SBF2: variants seen among roughly 807,000 people sequenced by gnomAD.
SBF2 encodes myotubularin-related protein 13.
In SBF2, 112 loss-of-function variants were observed where a neutral mutation model predicts 225.2. The observed-to-expected ratio is 0.50, with a 90% CI of 0.43 to 0.58. The LOEUF is 0.58. Among genes scored for constraint, SBF2 ranks in the 20% least tolerant of loss-of-function variants. SBF2 has a pLI of 0.00. For missense variants in SBF2, 1,996 were observed against 2,206.2 expected, an observed-to-expected ratio of 0.90 and a Z score of 1.91; for synonymous variants, 763 against 773.3, an observed-to-expected ratio of 0.99 and a Z score of 0.22.
chr11:10,228,133 G>C (rs1378049424), intron 1 of SBF2, among the ~76,000 whole-genome samples: 1 of 151,912 alleles, frequency 6.6e-6, no homozygotes, highest in African/African-American at 2.4e-5. Context: ...GTCTGTTATT[G>C]GTGTATAAGA....
intron 2 of SBF2, among the ~76,000 whole-genome samples, chr11:10,148,227 G>A (rs989687262): frequency 2.0e-5 from 3 of 152,076 alleles, no homozygotes; most frequent in African/African-American, 4.8e-5. Context: ...CAGGAGTATC[G>A]CAGTAGAGAG....
At chr11:10,209,574 A>ATTC (rs1301698341) in intron 1 of SBF2, among the ~76,000 whole-genome samples, 1 of 152,108 alleles carries the variant, frequency 6.6e-6, no homozygotes, top group Non-Finnish European at 1.5e-5. Flanking sequence ...TGTAACAGAT[A>ATTC]GAGTATTTCT....
chr11:10,036,760 A>G (rs1339106767), intron 3 of SBF2, among the ~76,000 whole-genome samples: 1 of 152,202 alleles, frequency 6.6e-6, no homozygotes, highest in Non-Finnish European at 1.5e-5. Context: ...AAGAAATAAC[A>G]TATTAGTTAA....
At position 10,021,280 on chromosome 11, in the gene SBF2, C is replaced by T. The variant is rs140631813; in HGVS notation, c.619+7172G>A. Among the ~76,000 whole-genome samples, 753 of 152,234 alleles carry T rather than the reference C, an allele frequency of 4.9e-3. 5 individuals carry two copies. The highest frequency in any genetic ancestry group is 6.2e-3 in the Non-Finnish European group (421 of 67,998). On this transcript the variant is annotated intron_variant, in intron 6 of 39. Coordinates refer to ENST00000256190, the MANE Select transcript of SBF2 (RefSeq NM_030962.4). The stretch of plus-strand genomic sequence containing the variant: ...CAAGATTATTTGGGGCAGGGAGGGA[C>T]ACCCAAGTTTAAACGGGTATGGATT...
chr11:10,258,278 A>C (rs1961077295), intron 1 of SBF2, among the ~76,000 whole-genome samples: 1 of 151,846 alleles, frequency 6.6e-6, no homozygotes, highest in African/African-American at 2.4e-5. Flanking sequence ...CTAATTTTTT[A>C]TTTTTATTTT....
intron 2 of SBF2, among the ~76,000 whole-genome samples, chr11:10,071,238 C>T (rs1427450335): frequency 2.0e-5 from 3 of 148,226 alleles, no homozygotes; most frequent in South Asian, 2.2e-4. Context: ...TGTCTTGTGC[C>T]GGTTTTCTCT....
intron 21 of SBF2, among the ~76,000 whole-genome samples, chr11:9,852,456 A>G (rs1857027012): frequency 6.6e-6 from 1 of 152,164 alleles, no homozygotes; most frequent in Non-Finnish European, 1.5e-5. Context: ...AGAGGTTATT[A>G]TTGCTCCTTT....
At chr11:10,071,237 C>T (rs1171051669) in intron 2 of SBF2, among the ~76,000 whole-genome samples, 1 of 149,584 alleles carries the variant, frequency 6.7e-6, no homozygotes, top group Non-Finnish European at 1.5e-5. Flanking sequence ...TTGTCTTGTG[C>T]CGGTTTTCTC....
chr11:9,789,452 G>A (rs1852596808), intron 34 of SBF2, 110 bp from the exon 35 acceptor site: 1 of 727,666 alleles, frequency 1.4e-6, no homozygotes, highest in South Asian at 1.6e-5. Flanking sequence ...GAGTATGAAT[G>A]GAGTTCAAAT....
rs111464270 is a variant in SBF2, at chr11:9,908,487, C to A, written c.1861-12476G>T. Among the ~76,000 whole-genome samples the A allele has an allele frequency of 9.9e-5, 15 of 152,166 alleles. No homozygotes were observed. In the East Asian group the frequency reaches 2.5e-3, roughly 26 times the overall value. On this transcript the variant is annotated intron_variant, in intron 16 of 39. Transcript: ENST00000256190. ...AAAAATGCAAAAAAAATTAGCCAGG[C>A]GTGGTGGCGGGCGCCTGTAGTCCCA... is the stretch of plus-strand genomic sequence containing the variant.
At chr11:10,057,135 G>A (rs547481284) in intron 2 of SBF2, among the ~76,000 whole-genome samples, 134 of 152,218 alleles carry the variant, frequency 8.8e-4, no homozygotes, top group African/African-American at 3.1e-3. Context: ...AATCTGAGGT[G>A]ACTAGAGACT....
At chr11:10,208,685 A>G (rs1488517237) in intron 1 of SBF2, among the ~76,000 whole-genome samples, 1 of 152,140 alleles carries the variant, frequency 6.6e-6, no homozygotes, top group African/African-American at 2.4e-5. Context: ...CCACTATACC[A>G]CAGAATATTT....
intron 12 of SBF2, among the ~76,000 whole-genome samples, chr11:9,991,620 CAG>C (rs752127690): frequency 2.6e-5 from 4 of 152,058 alleles, no homozygotes; most frequent in African/African-American, 4.8e-5. Context: ...TTCTATCCAC[CAG>C]AGTGGGCTGC....
At chr11:9,990,590 G>A (rs1339461043) in intron 12 of SBF2, among the ~76,000 whole-genome samples, 2 of 152,120 alleles carry the variant, frequency 1.3e-5, no homozygotes, top group African/African-American at 2.4e-5. Flanking sequence ...ACATACATAT[G>A]ATTAGCTGGC....
intron 16 of SBF2, among the ~76,000 whole-genome samples, chr11:9,912,727 T>C (rs1485098567): frequency 6.6e-6 from 1 of 152,226 alleles, no homozygotes; most frequent in African/African-American, 2.4e-5. Context: ...CTCCTACTTA[T>C]TTTAAAAAAT....
chr11:10,158,293 G>T (rs1225803470), intron 2 of SBF2, among the ~76,000 whole-genome samples: 2 of 151,800 alleles, frequency 1.3e-5, no homozygotes, highest in South Asian at 4.2e-4. Context: ...AAAAAGAAGA[G>T]CAAACTAAAT....
At chr11:10,297,187 A>G (rs1591385507), upstream of SBF2, among the ~76,000 whole-genome samples, 1 of 150,916 alleles carries the variant, frequency 6.6e-6, no homozygotes. Context: ...GTTATGCCCT[A>G]TTCCCCCCCC....
At chr11:9,845,088 C>T (rs1299902092) in intron 24 of SBF2, among the ~76,000 whole-genome samples, 1 of 151,956 alleles carries the variant, frequency 6.6e-6, no homozygotes, top group African/African-American at 2.4e-5. Flanking sequence ...AAAGTAGAAA[C>T]TACTGGTGAA....
At chr11:10,159,656 AC>A (rs916008019) in intron 2 of SBF2, among the ~76,000 whole-genome samples, 1 of 152,050 alleles carries the variant, frequency 6.6e-6, no homozygotes, top group Non-Finnish European at 1.5e-5. Context: ...TAACCCTAGC[AC>A]TTTGGGAGGC....
Sources: gnomAD v4.1 joint callset for allele counts (sites outside exome capture counted in the v4.1 genomes callset) on GRCh38, gnomAD v4.1.1 for gene constraint, MANE v1.5 for transcripts, NCBI Gene and HGNC (gene_info 2026-07-23, HGNC 2026-07-21) for gene names.